LIPH: variants seen among roughly 807,000 people sequenced by gnomAD.
LIPH encodes lipase H.
A neutral mutation model predicts 47.6 loss-of-function variants in LIPH; 32 were observed. The ratio of observed to expected loss-of-function variants is 0.67; its 90% CI spans 0.51 to 0.90. The LOEUF (loss-of-function observed/expected upper bound fraction) is 0.90, where lower values mean the gene tolerates loss of function less well. LIPH is among the 40% of genes least tolerant of loss of function. LIPH has a pLI of 0.00. For synonymous variants in LIPH, 190 were observed against 195.6 expected, an observed-to-expected ratio of 0.97 and a Z score of 0.24; for missense variants, 497 against 541.4, an observed-to-expected ratio of 0.92 and a Z score of 0.81.
chr3:185,526,707 T>TAAATA (rs1156428967), intron 4 of LIPH, among the ~76,000 whole-genome samples: 6 of 126,218 alleles, frequency 4.8e-5, no homozygotes, highest in African/African-American at 1.2e-4. Context: ...TAAAATAAAA[T>TAAATA]AAATAAAATA....
chr3:185,535,307 T>C lies in LIPH; in HGVS notation c.50-175A>G, dbSNP rs642188. ...ATATATACATACTTTGAGACAGGGT[T>C]TCACTCTCACCCAAGCTGGAGTGCA... On this transcript the variant is annotated intron_variant, in intron 1 of 9. Transcript: ENST00000296252. Among the ~76,000 whole-genome samples the C allele has an allele frequency of 0.99, 151,018 of 152,282 alleles. 74,892 individuals are homozygous for C. The highest frequency in any genetic ancestry group is 1 in the East Asian group (5,184 of 5,184).
At chr3:185,548,271 G>C (rs889554290) in intron 1 of LIPH, among the ~76,000 whole-genome samples, 4 of 152,018 alleles carry the variant, frequency 2.6e-5, no homozygotes, top group African/African-American at 9.7e-5. Flanking sequence ...TGGGCGTGGT[G>C]GTGGGCACCG....
At chr3:185,525,586 T>G (rs896349586) in intron 4 of LIPH, among the ~76,000 whole-genome samples, 1 of 151,902 alleles carries the variant, frequency 6.6e-6, no homozygotes, top group Non-Finnish European at 1.5e-5. Context: ...GAGACCAGCC[T>G]GGGCAACATA....
chr3:185,552,119 A>G (rs1385488104), intron 1 of LIPH, among the ~76,000 whole-genome samples: 2 of 152,090 alleles, frequency 1.3e-5, no homozygotes, highest in African/African-American at 4.8e-5. Context: ...AGAAAATAAG[A>G]CTTCTAGATT....
At chr3:185,550,291 T>G (rs1023042326) in intron 1 of LIPH, among the ~76,000 whole-genome samples, 1 of 152,216 alleles carries the variant, frequency 6.6e-6, no homozygotes, top group Non-Finnish European at 1.5e-5. Context: ...ATACTATTTT[T>G]TTTCCTTCTA....
intron 7 of LIPH, among the ~76,000 whole-genome samples, chr3:185,515,504 T>C (rs1164764483): frequency 1.3e-5 from 2 of 150,972 alleles, no homozygotes; most frequent in Non-Finnish European, 3.0e-5. Context: ...GGAAACCCAG[T>C]GATCTGCAGG....
intron 4 of LIPH, among the ~76,000 whole-genome samples, chr3:185,524,396 A>G (rs1301413557): frequency 1.3e-5 from 2 of 151,884 alleles, no homozygotes; most frequent in South Asian, 2.1e-4. Flanking sequence ...TAACAACCCT[A>G]GGGAGTTTAG....
rs559355514 is a variant in LIPH, at chr3:185,521,290, C to T, written c.719-1981G>A. Among the ~76,000 whole-genome samples the T allele has an allele frequency of 4.6e-5, 7 of 152,328 alleles. No homozygotes were observed. The South Asian group carries it at 6.2e-4, about 14-fold the overall frequency. On this transcript the variant is annotated intron_variant, in intron 5 of 9. Coordinates refer to ENST00000296252, the MANE Select transcript of LIPH (RefSeq NM_139248.3). ...TGCTGTTCTGAACTGTTATACTATA[C>T]TGAACTGTTCTCCTTTAGTTCCAGA...
In LIPH at chr3:185,517,075, G is replaced by T. The variant is rs757769060; in HGVS notation, c.974C>A (p.Pro325Gln). The part of the protein sequence containing the change: ...KAFFDTAEES[P>Q]FCMYHYFVDI... ...CCACATTCACCACTCACTGCAGAAT[G>T]GGCTCTCCTCAGCTGTGTCAAAGAA... Residue 325 changes from proline (P) to glutamine (Q), a missense_variant, in exon 7 of 10, where the codon CCA becomes CAA. Transcript: ENST00000296252. 1 of 1,608,064 alleles carries T rather than the reference G, an allele frequency of 6.2e-7. No homozygotes were observed. The highest frequency in any genetic ancestry group is 2.2e-5 in the East Asian group (1 of 44,864).
At chr3:185,518,836 C>T (rs1199826487) in intron 6 of LIPH, among the ~76,000 whole-genome samples, 1 of 151,968 alleles carries the variant, frequency 6.6e-6, no homozygotes, top group African/African-American at 2.4e-5. Flanking sequence ...ATCCTCCCAC[C>T]TAAGCCTCCT....
chr3:185,544,226 A>C (rs1720798722), intron 1 of LIPH, among the ~76,000 whole-genome samples: 1 of 152,166 alleles, frequency 6.6e-6, no homozygotes, highest in Non-Finnish European at 1.5e-5. Context: ...TAAATTCCTT[A>C]GCCTAAATAA....
intron 1 of LIPH, among the ~76,000 whole-genome samples, chr3:185,551,424 T>C (rs1445240689): frequency 6.6e-6 from 1 of 152,246 alleles, no homozygotes; most frequent in Non-Finnish European, 1.5e-5. Context: ...TTCTACTTTT[T>C]CTACTTTGCA....
intron 2 of LIPH, among the ~76,000 whole-genome samples, chr3:185,534,225 G>A (rs1053823123): frequency 5.9e-5 from 9 of 152,028 alleles, no homozygotes; most frequent in African/African-American, 1.2e-4. Flanking sequence ...GCATGGTGGC[G>A]TGTACCTGTA....
intron 1 of LIPH, among the ~76,000 whole-genome samples, chr3:185,545,652 T>A (rs1480998326): frequency 1.3e-5 from 2 of 151,724 alleles, no homozygotes; most frequent in African/African-American, 2.4e-5. Flanking sequence ...TTTGGGAGGG[T>A]CCCTTGACGT....
intron 1 of LIPH, among the ~76,000 whole-genome samples, chr3:185,551,314 CCTAATA>C (rs1454064329): frequency 6.6e-6 from 1 of 152,114 alleles, no homozygotes; most frequent in Non-Finnish European, 1.5e-5. Flanking sequence ...GGCCAGAAAT[CCTAATA>C]CTATTTTTCC....
At chr3:185,544,215 A>T (rs1010279840) in intron 1 of LIPH, among the ~76,000 whole-genome samples, 1 of 152,188 alleles carries the variant, frequency 6.6e-6, no homozygotes, top group Non-Finnish European at 1.5e-5. Context: ...GTATCTGGGA[A>T]TAAATTCCTT....
At chr3:185,528,353 A>AGAAAGAAG (rs1484920418) in intron 3 of LIPH, among the ~76,000 whole-genome samples, 1 of 151,892 alleles carries the variant, frequency 6.6e-6, no homozygotes, top group Non-Finnish European at 1.5e-5. Context: ...AAAGAAAGAA[A>AGAAAGAAG]GAAAGCGCTA....
At chr3:185,528,323 G>GAAGAAAGGAAGAAAGAAAGA (rs1720183771) in intron 3 of LIPH, among the ~76,000 whole-genome samples, 1 of 125,514 alleles carries the variant, frequency 8.0e-6, no homozygotes, top group Admixed American at 8.9e-5. Context: ...AAGAAAGAAA[G>GAAGAAAGGAAGAAAGAAAGA]AAGAAAGAAA....
rs568076217 is a variant in LIPH, at chr3:185,527,206, T to TCCAG, written c.628+274_628+277dup. ...GTGAGTCGAGATTGCGCCACTGCAC[T>TCCAG]CCAGCCTGGGCGACAGAGCGAGACT... On this transcript the variant is annotated intron_variant, in intron 4 of 9. Coordinates refer to ENST00000296252, the MANE Select transcript of LIPH (RefSeq NM_139248.3). Among the ~76,000 whole-genome samples, 382 of 152,056 alleles carry TCCAG rather than the reference T, an allele frequency of 2.5e-3. 3 individuals carry two copies. The highest frequency in any genetic ancestry group is 8.6e-3 in the African/African-American group (358 of 41,466).
Sources: gnomAD v4.1 joint callset for allele counts (sites outside exome capture counted in the v4.1 genomes callset) on GRCh38, gnomAD v4.1.1 for gene constraint, MANE v1.5 for transcripts, NCBI Gene and HGNC (gene_info 2026-07-23, HGNC 2026-07-21) for gene names.